Variants in PTPRK observed in about 807,000 individuals in gnomAD.
PTPRK encodes the protein protein tyrosine phosphatase receptor type K.
PTPRK carries 75 observed loss-of-function variants against 178.0 expected under a neutral mutation model. The observed-to-expected ratio is 0.42, with a 90% CI of 0.35 to 0.51. The LOEUF (loss-of-function observed/expected upper bound fraction) is 0.51. Ranked by LOEUF, PTPRK falls within the 20% of genes least tolerant of loss-of-function variation. The pLI, the probability that PTPRK is intolerant of heterozygous loss-of-function variation, is 0.02. For missense variants in PTPRK, 1,441 were observed against 1,797.8 expected (o/e 0.80, Z 3.59); for synonymous variants, 637 against 620.6 (o/e 1.03, Z -0.39).
Position 128,140,884 on chromosome 6 carries a change from T to C in PTPRK, c.1162+43548A>G, listed in dbSNP as rs1464208591. 3.9e-5 allele frequency among the ~76,000 whole-genome samples: 6 copies of C among 152,142 alleles called. No homozygotes were observed. The East Asian group carries it at 5.8e-4, about 15-fold the overall frequency. On this transcript the variant is annotated intron_variant, in intron 7 of 29. Transcript: ENST00000368226. ...ATGTGGAGGATTCATTATCCAAAGA[T>C]GAAGGAGGACTACAGTATTTTGCTT...
intron 7 of PTPRK, among the ~76,000 whole-genome samples, chr6:128,114,895 G>C (rs1036643329): frequency 3.3e-5 from 5 of 151,874 alleles, no homozygotes; most frequent in Admixed American, 2.0e-4. Flanking sequence ...TGGCATTTAT[G>C]TCAACTTGTG....
intron 7 of PTPRK, among the ~76,000 whole-genome samples, chr6:128,092,422 CAGAG>C (rs1158726817): frequency 4.6e-5 from 7 of 152,068 alleles, no homozygotes; most frequent in African/African-American, 1.7e-4. Context: ...ATTAATAACT[CAGAG>C]GGAGTTACTG....
chr6:128,189,235 CTTTTTTTTTT>C (rs71028115), intron 6 of PTPRK, among the ~76,000 whole-genome samples: 1 of 67,466 alleles, frequency 1.5e-5, no homozygotes, highest in Non-Finnish European at 2.6e-5. Context: ...TACTCTTTTT[CTTTTTTTTTT>C]TTTTTTTTTT....
At chr6:128,017,725 C>A (rs1177523038) in intron 13 of PTPRK, among the ~76,000 whole-genome samples, 153 of 142,092 alleles carry the variant, frequency 1.1e-3, no homozygotes, top group Non-Finnish European at 1.7e-3. Context: ...CTCTCTCTCT[C>A]TCTCTATATA....
At chr6:128,478,047 C>T (rs1851593040) in intron 1 of PTPRK, among the ~76,000 whole-genome samples, 3 of 152,064 alleles carry the variant, frequency 2.0e-5, no homozygotes, top group Admixed American at 2.0e-4. Flanking sequence ...GTCATTTAAA[C>T]TCATTGAAAG....
chr6:128,278,717 ATAAC>A (rs1461901214), intron 3 of PTPRK, among the ~76,000 whole-genome samples: 31 of 152,328 alleles, frequency 2.0e-4, no homozygotes, highest in African/African-American at 2.9e-4. Flanking sequence ...GAAAGATAAC[ATAAC>A]TAACTAATAC....
At chr6:128,433,871 C>T (rs66843622) in intron 1 of PTPRK, among the ~76,000 whole-genome samples, 25,150 of 147,820 alleles carry the variant, frequency 0.17, 4,187 homozygotes, top group African/African-American at 0.44. Flanking sequence ...CTTTTACTTA[C>T]AGATACTAAG....
At chr6:128,408,304 C>T (rs1254120233) in intron 1 of PTPRK, among the ~76,000 whole-genome samples, 1 of 152,136 alleles carries the variant, frequency 6.6e-6, no homozygotes, top group East Asian at 1.9e-4. Flanking sequence ...AGGAGAATAG[C>T]TTGAACCCAG....
chr6:128,458,629 G>A (rs1449201772), intron 1 of PTPRK, among the ~76,000 whole-genome samples: 1 of 152,160 alleles, frequency 6.6e-6, no homozygotes, highest in East Asian at 1.9e-4. Flanking sequence ...GCAACTGTGT[G>A]GTGAACGGTG....
At chr6:128,327,802 A>G (rs920293697) in intron 2 of PTPRK, among the ~76,000 whole-genome samples, 3 of 152,220 alleles carry the variant, frequency 2.0e-5, no homozygotes, top group African/African-American at 7.2e-5. Context: ...AAAACCTTAA[A>G]GAACAATCAA....
intron 7 of PTPRK, among the ~76,000 whole-genome samples, chr6:128,145,873 A>G (rs1168181341): frequency 6.6e-6 from 1 of 152,206 alleles, no homozygotes; most frequent in Non-Finnish European, 1.5e-5. Flanking sequence ...ACTGATTTTT[A>G]TCAAATTACT....
chr6:127,985,924 A>G, intron 21 of PTPRK, 49 bp from the exon 22 acceptor site: 1 of 1,568,764 alleles, frequency 6.4e-7, no homozygotes, highest in East Asian at 2.3e-5. Flanking sequence ...TTAATGGCCA[A>G]AATAAAGCCA....
chr6:128,233,036 A>G (rs975198315), intron 5 of PTPRK, among the ~76,000 whole-genome samples: 3 of 152,268 alleles, frequency 2.0e-5, no homozygotes, highest in African/African-American at 7.2e-5. Context: ...GCATGCAGTA[A>G]TTTCTTCAGG....
intron 2 of PTPRK, among the ~76,000 whole-genome samples, chr6:128,339,249 C>A (rs1182689512): frequency 1.3e-5 from 2 of 151,970 alleles, no homozygotes; most frequent in Non-Finnish European, 2.9e-5. Flanking sequence ...TATTTTTTAC[C>A]AATATGTTAT....
intron 13 of PTPRK, among the ~76,000 whole-genome samples, chr6:128,041,353 C>T (rs1403329904): frequency 1.3e-5 from 2 of 151,994 alleles, no homozygotes; most frequent in Non-Finnish European, 2.9e-5. Flanking sequence ...ATCCACATTT[C>T]ATTAAAAACT....
intron 1 of PTPRK, among the ~76,000 whole-genome samples, chr6:128,433,028 T>A (rs1181115767): frequency 6.6e-6 from 1 of 152,202 alleles, no homozygotes; most frequent in Non-Finnish European, 1.5e-5. Context: ...ATGTGGTACA[T>A]GTGATATTTA....
chr6:128,205,271 T>C (rs1205106320), intron 6 of PTPRK, among the ~76,000 whole-genome samples: 1 of 151,900 alleles, frequency 6.6e-6, no homozygotes, highest in Non-Finnish European at 1.5e-5. Flanking sequence ...GATGGAAGTA[T>C]GCGGGGGAGG....
chr6:128,129,037 A>G (rs1458597102), intron 7 of PTPRK, among the ~76,000 whole-genome samples: 1 of 152,194 alleles, frequency 6.6e-6, no homozygotes, highest in African/African-American at 2.4e-5. Context: ...ATTTCCACTA[A>G]TTGCACATAC....
At chr6:128,113,683 T>C (rs1292340088) in intron 7 of PTPRK, among the ~76,000 whole-genome samples, 1 of 152,034 alleles carries the variant, frequency 6.6e-6, no homozygotes, top group Non-Finnish European at 1.5e-5. Flanking sequence ...CCAGAACCAA[T>C]TCCTTGTGTA....
Sources: gnomAD v4.1 joint callset for allele counts (sites outside exome capture counted in the v4.1 genomes callset) on GRCh38, gnomAD v4.1.1 for gene constraint, MANE v1.5 for transcripts, NCBI Gene and HGNC (gene_info 2026-07-23, HGNC 2026-07-21) for gene names.